Variants in RIMS1 observed in about 807,000 individuals in gnomAD.
RIMS1 encodes regulating synaptic membrane exocytosis 1.
RIMS1 carries 83 observed loss-of-function variants against 214.1 expected under a neutral mutation model. That is an observed-to-expected ratio of 0.39 (90% confidence interval 0.32 to 0.47). RIMS1 has a LOEUF of 0.47. RIMS1 is among the 20% of genes least tolerant of loss of function. The pLI is 0.99. For synonymous variants in RIMS1, 793 were observed against 786.8 expected (o/e 1.01, Z -0.13); for missense variants, 2,050 against 2,161.8 (o/e 0.95, Z 1.03).
intron 4 of RIMS1, among the ~76,000 whole-genome samples, chr6:72,127,071 A>G (rs1161221643): frequency 6.6e-6 from 1 of 152,158 alleles, no homozygotes; most frequent in African/African-American, 2.4e-5. Context: ...TGTTTTATAA[A>G]TTTGCTTATA....
intron 1 of RIMS1, among the ~76,000 whole-genome samples, chr6:71,923,701 G>A (rs954325422): frequency 6.6e-6 from 1 of 151,942 alleles, no homozygotes; most frequent in Non-Finnish European, 1.5e-5. Context: ...CGAGTAGCTG[G>A]GATTACTCAT....
chr6:72,217,276 G>T, intron 6 of RIMS1: 1 of 1,478,222 alleles, frequency 6.8e-7, no homozygotes, highest in Non-Finnish European at 9.1e-7. Flanking sequence ...ATGGATAAAT[G>T]TAAAGTTAAT....
At chr6:72,245,757 T>C in intron 10 of RIMS1, 58 bp from the exon 11 acceptor site, 1 of 1,337,736 alleles carries the variant, frequency 7.5e-7, no homozygotes, top group South Asian at 1.2e-5. Flanking sequence ...TGGGCTATGA[T>C]TGCCTCAGGC....
chr6:71,983,982 T>A (rs1292742574), intron 2 of RIMS1, among the ~76,000 whole-genome samples: 2 of 152,208 alleles, frequency 1.3e-5, no homozygotes, highest in African/African-American at 4.8e-5. Context: ...CTAATTGCTA[T>A]TATGTGTTTA....
chr6:71,990,162 C>T (rs1801165830), intron 2 of RIMS1, among the ~76,000 whole-genome samples: 1 of 152,154 alleles, frequency 6.6e-6, no homozygotes, highest in South Asian at 2.1e-4. Context: ...TAGATTTACA[C>T]AGTTTTATTT....
At chr6:71,961,351 T>A (rs1792902302) in intron 1 of RIMS1, among the ~76,000 whole-genome samples, 1 of 151,992 alleles carries the variant, frequency 6.6e-6, no homozygotes, top group Non-Finnish European at 1.5e-5. Context: ...CTTCTCTCCG[T>A]CTTCCCCTTC....
Position 72,401,486 on chromosome 6 carries a change from CCTAT to C in RIMS1, c.*775_*778del, listed in dbSNP as rs1247123991. ...ACAGAAGTACTTTTTTAATGAAGAGCCTATCTGTTTGCATTCTAGAAAATTAATT... is the reference window on the plus strand; with the variant it reads ...ACAGAAGTACTTTTTTAATGAAGAGCCTGTTTGCATTCTAGAAAATTAATT... On this transcript the variant is annotated 3_prime_UTR_variant, in exon 34 of 34. Transcript: ENST00000521978. 6.6e-6 allele frequency: 1 copy of C among 152,492 alleles called. No individual in the cohort carries two copies. Among genetic ancestry groups the C allele is most frequent in the Non-Finnish European group, 1.5e-5 (1 of 68,014 alleles). The allele number at this position is 152,492 out of a possible 1,614,324, so 9.4% of individuals were successfully genotyped here.
At chr6:72,128,655 T>G (rs1457309266) in intron 4 of RIMS1, among the ~76,000 whole-genome samples, 2 of 152,280 alleles carry the variant, frequency 1.3e-5, no homozygotes, top group East Asian at 3.9e-4. Context: ...AAATAAGAAG[T>G]CCCTGAGACA....
intron 1 of RIMS1, among the ~76,000 whole-genome samples, chr6:71,966,955 T>C (rs963611561): frequency 6.6e-6 from 1 of 152,256 alleles, no homozygotes; most frequent in East Asian, 1.9e-4. Flanking sequence ...TAGATTTGTT[T>C]TATTTGAAAG....
intron 1 of RIMS1, 59 bp downstream of exon 1, chr6:71,887,246 C>A: frequency 6.4e-7 from 1 of 1,552,856 alleles, no homozygotes. Flanking sequence ...CCATTCACCA[C>A]TCACTCCCCT....
At chr6:72,277,349 A>G (rs1426780755) in intron 23 of RIMS1, among the ~76,000 whole-genome samples, 1 of 152,174 alleles carries the variant, frequency 6.6e-6, no homozygotes, top group African/African-American at 2.4e-5. Context: ...TGGGAGGCCG[A>G]GGCGGGCGGA....
intron 2 of RIMS1, among the ~76,000 whole-genome samples, chr6:72,034,425 G>A (rs78260157): frequency 0.063 from 9,580 of 151,910 alleles, 419 homozygotes; most frequent in Middle Eastern, 0.13. Flanking sequence ...TATTTCCATG[G>A]TACAAGACCT....
intron 2 of RIMS1, among the ~76,000 whole-genome samples, chr6:72,069,681 C>G (rs558798385): frequency 3.9e-5 from 6 of 152,298 alleles, no homozygotes; most frequent in African/African-American, 1.4e-4. Flanking sequence ...TCTTGATGCT[C>G]CTGAGAGATG....
At chr6:72,297,373 A>G (rs1019927442) in intron 26 of RIMS1, among the ~76,000 whole-genome samples, 10 of 151,984 alleles carry the variant, frequency 6.6e-5, no homozygotes, top group Admixed American at 1.3e-4. Context: ...TTCATATTAG[A>G]AATGGGCCAT....
chr6:71,903,006 A>G (rs1774164299), intron 1 of RIMS1, among the ~76,000 whole-genome samples: 1 of 152,110 alleles, frequency 6.6e-6, no homozygotes, highest in African/African-American at 2.4e-5. Context: ...ATGTGTCTTT[A>G]TAATATGATG....
chr6:71,945,537 A>G lies in RIMS1; in HGVS notation c.165-23446A>G, dbSNP rs1401789836. ...TACATGAACACAATAAAGATCATGTATGACAAGCCCATAGCTAACATCATA... is the reference window on the plus strand; with the variant it reads ...TACATGAACACAATAAAGATCATGTGTGACAAGCCCATAGCTAACATCATA... On this transcript the variant is annotated intron_variant, in intron 1 of 33. Coordinates refer to ENST00000521978, the MANE Select transcript of RIMS1 (RefSeq NM_014989.7). Among the ~76,000 whole-genome samples, 3 of 152,188 alleles carry G rather than the reference A, an allele frequency of 2.0e-5. 1 individual carries two copies. The highest frequency in any genetic ancestry group is 2.0e-4 in the Admixed American group (3 of 15,278).
intron 2 of RIMS1, among the ~76,000 whole-genome samples, chr6:72,052,536 A>G (rs2152154735): frequency 6.6e-6 from 1 of 152,312 alleles, no homozygotes; most frequent in Admixed American, 6.5e-5. Context: ...TTCATCATCT[A>G]CATTTCTTTG....
intron 2 of RIMS1, among the ~76,000 whole-genome samples, chr6:71,983,799 T>C (rs9442725): frequency 0.11 from 16,852 of 152,204 alleles, 1,105 homozygotes; most frequent in East Asian, 0.28. Flanking sequence ...AGTACAAATA[T>C]GAAGAAGCTA....
At chr6:72,160,111 T>TTGTGA (rs201916929) in intron 4 of RIMS1, among the ~76,000 whole-genome samples, 1 of 120,132 alleles carries the variant, frequency 8.3e-6, no homozygotes, top group Non-Finnish European at 1.9e-5. Context: ...TTCACATCCC[T>TTGTGA]CTTGGATTCC....
Sources: gnomAD v4.1 joint callset for allele counts (sites outside exome capture counted in the v4.1 genomes callset) on GRCh38, gnomAD v4.1.1 for gene constraint, MANE v1.5 for transcripts, NCBI Gene and HGNC (gene_info 2026-07-23, HGNC 2026-07-21) for gene names.